SCML4: variants seen among roughly 807,000 people sequenced by gnomAD.
SCML4 encodes the protein sex comb on midleg-like protein 4.
SCML4 carries 34 observed loss-of-function variants against 41.1 expected under a neutral mutation model. The observed-to-expected ratio is 0.83, with a 90% CI of 0.63 to 1.10. The LOEUF (loss-of-function observed/expected upper bound fraction) is 1.10. Among genes scored for constraint, SCML4 ranks in the 50% least tolerant of loss-of-function variants. The pLI, the probability that SCML4 is intolerant of heterozygous loss-of-function variation, is 0.00. For synonymous variants in SCML4, 214 were observed against 220.9 expected, an observed-to-expected ratio of 0.97 and a Z score of 0.28; for missense variants, 522 against 534.1, an observed-to-expected ratio of 0.98 and a Z score of 0.22.
intron 5 of SCML4, chr6:107,740,053 A>G (rs1777442752): frequency 2.2e-6 from 1 of 458,456 alleles, no homozygotes; most frequent in Non-Finnish European, 4.5e-6. Flanking sequence ...AAAGGGCTCA[A>G]GAGAACAACT....
At chr6:107,793,911 C>A (rs1782524363) in intron 1 of SCML4, among the ~76,000 whole-genome samples, 1 of 152,154 alleles carries the variant, frequency 6.6e-6, no homozygotes, top group Admixed American at 6.5e-5. Flanking sequence ...TGCACTCCAG[C>A]CTGGGCGACA....
At chr6:107,746,099 T>G (rs1030378137) in intron 4 of SCML4, 2 of 152,238 alleles carry the variant, frequency 1.3e-5, no homozygotes, top group Non-Finnish European at 2.9e-5. Flanking sequence ...GAGTGGCATT[T>G]GAGTAGAACC....
chr6:107,770,487 T>C (rs1174645060), intron 2 of SCML4, among the ~76,000 whole-genome samples: 3 of 152,192 alleles, frequency 2.0e-5, no homozygotes, highest in African/African-American at 4.8e-5. Flanking sequence ...CCTAAAATAA[T>C]TTCCATACAT....
intron 5 of SCML4, among the ~76,000 whole-genome samples, chr6:107,737,542 T>C (rs757689372): frequency 2.0e-5 from 3 of 152,156 alleles, no homozygotes; most frequent in Non-Finnish European, 4.4e-5. Flanking sequence ...AGAAGAACCA[T>C]CTTAGCACAG....
At chr6:107,793,346 C>T (rs542740652) in intron 1 of SCML4, among the ~76,000 whole-genome samples, 1 of 152,330 alleles carries the variant, frequency 6.6e-6, no homozygotes, top group East Asian at 1.9e-4. Context: ...CCAGGTATCA[C>T]AGCCAGTGGG....
the SCML4 span, among the ~76,000 whole-genome samples, chr6:107,830,244 C>T: frequency 3.3e-5 from 5 of 152,220 alleles, no homozygotes; most frequent in Non-Finnish European, 7.3e-5. Context: ...AAAAACGACT[C>T]ACTCAAATTC....
rs751550666 is a variant in SCML4 at position 107,772,128 on chromosome 6, C to CT, written c.156+43_156+44insA. 5 of 1,515,110 alleles carry CT rather than the reference C, an allele frequency of 3.3e-6. No individual in the cohort carries two copies. The African/African-American group carries it at 6.9e-5, about 21-fold the overall frequency. 93.9% of individuals were successfully genotyped at this position (1,515,110 alleles called of 1,614,324 possible). ...TGCAGGTCTGACCAAGTACCCGTGC[C>CT]CCAGCCCAATACCACTTTGGAGAAG... On this transcript the variant is annotated intron_variant, in intron 2 of 7. Transcript: ENST00000369020.
chr6:107,826,780 T>C (rs1785270281), upstream of SCML4, among the ~76,000 whole-genome samples: 1 of 152,132 alleles, frequency 6.6e-6, no homozygotes, highest in Admixed American at 6.5e-5. Flanking sequence ...AAAAGCTGGA[T>C]TGCTTGGGCG....
chr6:107,790,803 C>T (rs1782264902), intron 1 of SCML4, among the ~76,000 whole-genome samples: 1 of 152,142 alleles, frequency 6.6e-6, no homozygotes, highest in Admixed American at 6.5e-5. Context: ...GGCATGGTGG[C>T]TCATGTCTGT....
chr6:107,811,207 A>G (rs149435455), intron 1 of SCML4, among the ~76,000 whole-genome samples: 1 of 152,318 alleles, frequency 6.6e-6, no homozygotes, highest in Non-Finnish European at 1.5e-5. Flanking sequence ...TGTGTAAGCC[A>G]CCCAGTCTGC....
chr6:107,746,879 G>A lies in SCML4; in HGVS notation c.297C>T (p.Tyr99=), dbSNP rs766572661. 3.3e-5 allele frequency: 54 copies of A among 1,612,534 alleles called. No homozygotes were observed. The highest frequency in any genetic ancestry group is 4.6e-5 in the Non-Finnish European group (54 of 1,179,222). Residue 99 remains tyrosine (Y), a synonymous_variant, in exon 4 of 8, where the codon TAC becomes TAT. Coordinates refer to ENST00000369020, the MANE Select transcript of SCML4 (RefSeq NM_198081.5). ...AAPQALTVCL[Y]INKQANAGPY... ...GCCCCGCATTGGCCTGCTTGTTGAT[G>A]TAGAGGCAGACTGCGGAGACAGAGG...
chr6:107,769,111 T>C (rs1184792351), intron 2 of SCML4, among the ~76,000 whole-genome samples: 2 of 152,216 alleles, frequency 1.3e-5, no homozygotes, highest in Non-Finnish European at 2.9e-5. Context: ...GCTATCTTCA[T>C]GGTAGTCAGA....
chr6:107,746,901 G>A lies in SCML4; in HGVS notation c.287-12C>T. The A allele has an allele frequency of 6.2e-7, 1 of 1,606,852 alleles. No individual in the cohort carries two copies. The highest frequency in any genetic ancestry group is 1.1e-5 in the South Asian group (1 of 90,444). ...GATGTAGAGGCAGACTGCGGAGACA[G>A]AGGTCACAAAGCCCTCGGCATCAGG... On this transcript the variant is annotated splice_polypyrimidine_tract_variant and intron_variant, in intron 3 of 7. Coordinates refer to ENST00000369020, the MANE Select transcript of SCML4 (RefSeq NM_198081.5).
At chr6:107,770,363 T>G (rs2114566507) in intron 2 of SCML4, among the ~76,000 whole-genome samples, 2 of 152,222 alleles carry the variant, frequency 1.3e-5, no homozygotes, top group African/African-American at 4.8e-5. Context: ...TGGCTCTTGT[T>G]TTTCTTATGT....
intron 6 of SCML4, 41 bp downstream of exon 6, chr6:107,720,662 G>A (rs1775292354): frequency 1.3e-6 from 2 of 1,501,344 alleles, no homozygotes; most frequent in South Asian, 1.4e-5. Flanking sequence ...AAGGGCAAGG[G>A]ATGTTAAGTC....
intron 6 of SCML4, among the ~76,000 whole-genome samples, chr6:107,711,595 G>A (rs9398138): frequency 0.07 from 10,664 of 152,198 alleles, 484 homozygotes; most frequent in Admixed American, 0.16. Flanking sequence ...ATTGAGTGAT[G>A]CATGACTGTG....
chr6:107,793,907 C>T (rs1159746588), intron 1 of SCML4, among the ~76,000 whole-genome samples: 2 of 152,152 alleles, frequency 1.3e-5, no homozygotes, highest in African/African-American at 2.4e-5. Context: ...CCACTGCACT[C>T]CAGCCTGGGC....
intron 5 of SCML4, among the ~76,000 whole-genome samples, chr6:107,735,166 G>A (rs1190122000): frequency 2.0e-5 from 3 of 152,254 alleles, no homozygotes; most frequent in African/African-American, 4.8e-5. Flanking sequence ...GTGAGCCACC[G>A]AGCTCAGCCT....
chr6:107,777,367 C>T (rs971302248), intron 1 of SCML4, among the ~76,000 whole-genome samples: 1 of 152,148 alleles, frequency 6.6e-6, no homozygotes, highest in Admixed American at 6.5e-5. Flanking sequence ...CTGCCCACCT[C>T]GGCCTCCCAA....
Sources: gnomAD v4.1 joint callset for allele counts (sites outside exome capture counted in the v4.1 genomes callset) on GRCh38, gnomAD v4.1.1 for gene constraint, MANE v1.5 for transcripts, NCBI Gene and HGNC (gene_info 2026-07-23, HGNC 2026-07-21) for gene names.